Variants in MTMR11 observed in about 807,000 individuals in gnomAD.
MTMR11 encodes the protein myotubularin-related protein 11.
Under a neutral mutation model 100.0 loss-of-function variants are expected in MTMR11, and 89 were observed. The ratio of observed to expected loss-of-function variants is 0.89; its 90% confidence interval spans 0.75 to 1.06. MTMR11 has a LOEUF of 1.06. Ranked by LOEUF, MTMR11 falls within the 50% of genes least tolerant of loss-of-function variation. The pLI is 0.00. For synonymous variants in MTMR11, 336 were observed against 326.3 expected (o/e 1.03, Z -0.32); for missense variants, 809 against 873.7 (o/e 0.93, Z 0.93).
intron 3 of MTMR11, 71 bp from the exon 4 acceptor site, chr1:149,935,430 C>A: frequency 6.3e-7 from 1 of 1,592,862 alleles, no homozygotes; most frequent in Non-Finnish European, 8.6e-7. Flanking sequence ...GCCCCAACCC[C>A]TTCTAGGGGG....
intron 2 of MTMR11, 129 bp from the exon 3 acceptor site, chr1:149,935,834 T>C (rs781935292): frequency 1.0e-5 from 12 of 1,147,072 alleles, no homozygotes; most frequent in Non-Finnish European, 1.3e-5. Context: ...CCCACTACAA[T>C]GTAAGCTTAT....
rs1553768298 is a variant in MTMR11, at chr1:149,933,905, C to A, written c.721G>T (p.Asp241Tyr). The change falls in exon 8 of 17, where the codon GAC (aspartate) becomes TAC (tyrosine). Residue 241 changes from aspartate (D) to tyrosine (Y), a missense_variant. Asp to Tyr is a radical substitution (Grantham distance 160). Transcript: ENST00000439741. ...RYFWVPNRILDSEVRRAFGHF... is the reference protein window; with the variant it reads ...RYFWVPNRILYSEVRRAFGHF... ...CCAAATGCTCTCCTGACCTCACTGT[C>A]CAGAATTCGGTTAGGGACCCAGAAG... 6.2e-7 allele frequency: 1 copy of A among 1,614,200 alleles called. No individual in the cohort carries two copies. Among genetic ancestry groups the A allele is most frequent in the Admixed American group, 1.7e-5 (1 of 60,024 alleles).
chr1:149,929,743 C>A lies in MTMR11; in HGVS notation c.1821G>T (p.Trp607Cys), dbSNP rs1295177167. The A allele has an allele frequency of 6.2e-7, 1 of 1,614,190 alleles. No individual in the cohort carries two copies. The highest frequency in any genetic ancestry group is 2.2e-5 in the East Asian group (1 of 44,872). The change falls in exon 16 of 17, where the codon TGG becomes TGT. Residue 607 changes from tryptophan to cysteine, a missense_variant. Transcript: ENST00000439741. ...AAGCTCCCCAATGTGAGGGGAGACC[C>A]CATTCCTGGTCAGCCAGGCTTTCAG... ...ISSESLADQE[W>C]GLPSHWGACP...
intron 5 of MTMR11, 51 bp from the exon 6 acceptor site, chr1:149,934,577 A>G (rs1373851833): frequency 6.4e-7 from 1 of 1,570,214 alleles, no homozygotes; most frequent in African/African-American, 1.3e-5. Flanking sequence ...AGTAAGTGAA[A>G]AGAAGGAAAT....
At chr1:149,931,063 C>T in intron 13 of MTMR11, 98 bp from the exon 14 acceptor site, 4 of 1,372,364 alleles carry the variant, frequency 2.9e-6, no homozygotes, top group Non-Finnish European at 2.9e-6. Flanking sequence ...ATAGGGGGAA[C>T]TTATGGAAGT....
chr1:149,933,561 T>C (rs1170043238), intron 9 of MTMR11, 31 bp from the exon 10 acceptor site: 2 of 1,613,352 alleles, frequency 1.2e-6, no homozygotes, highest in Non-Finnish European at 1.7e-6. Context: ...AAATAAGGAG[T>C]CTACCCTGAG....
rs1553767588 is a variant in MTMR11, at chr1:149,931,304, G to A, written c.1246C>T (p.His416Tyr). 1 of 1,614,010 alleles carries A rather than the reference G, an allele frequency of 6.2e-7. No individual in the cohort carries two copies. The highest frequency in any genetic ancestry group is 1.7e-5 in the Admixed American group (1 of 60,000). ...LVQREWVAAGHPFLTRLGGTG... is the reference protein window; with the variant it reads ...LVQREWVAAGYPFLTRLGGTG... ...CCCCCAAGCCGAGTCAGGAAGGGAT[G>A]TCCAGCTGCCACCCACTCTCGCTGT... The change falls in exon 13 of 17, where the codon CAT becomes TAT. Residue 416 changes from histidine (H) to tyrosine (Y), a missense_variant. His to Tyr is a moderately conservative substitution (Grantham distance 83). Transcript: ENST00000439741.
chr1:149,934,866 T>G, intron 5 of MTMR11, 120 bp downstream of exon 5: 55 of 1,268,290 alleles, frequency 4.3e-5, no homozygotes, highest in Non-Finnish European at 5.5e-5. Context: ...AGCCTTTCCT[T>G]GAGAGAAGCA....
At chr1:149,934,647 C>T in intron 5 of MTMR11, 121 bp from the exon 6 acceptor site, 1 of 1,096,944 alleles carries the variant, frequency 9.1e-7, no homozygotes. Flanking sequence ...TGAAGACAGT[C>T]CCTAGAGAAG....
chr1:149,929,441 T>G (rs2092625253), intron 16 of MTMR11, 124 bp from the exon 17 acceptor site: 1 of 1,215,788 alleles, frequency 8.2e-7, no homozygotes, highest in Admixed American at 2.2e-5. Context: ...TTCCACTTAA[T>G]CTAAGCCACA....
intron 1 of MTMR11, 95 bp downstream of exon 1, chr1:149,936,485 CCT>C: frequency 8.1e-7 from 1 of 1,240,372 alleles, no homozygotes; most frequent in Non-Finnish European, 1.1e-6. Context: ...GACACACCCT[CCT>C]CCTCCTCCTC....
Position 149,930,395 on chromosome 1 carries a change from G to C in MTMR11, c.1617C>G (p.His539Gln), listed in dbSNP as rs782333555. The C allele has an allele frequency of 6.2e-7, 1 of 1,613,940 alleles. No individual in the cohort carries two copies. The highest frequency in any genetic ancestry group is 8.5e-7 in the Non-Finnish European group (1 of 1,179,856). ...GTCTAGGGAGCCAGGAATCTGGACA[G>C]TGTTCTGGGTCATAGCCAGGATTCT... ...QFQNPGYDPE[H>Q]CPDSWLPRPQ... is the part of the protein sequence containing the mutation. The change falls in exon 15 of 17, where the codon CAC (histidine) becomes CAG (glutamine). Residue 539 changes from histidine (H) to glutamine (Q), a missense_variant. Transcript: ENST00000439741.
In MTMR11 at chr1:149,933,598, A is replaced by T. The variant is rs781935622; in HGVS notation, c.860+12T>A. ...ACCTAACCCTTGATTCTTCTCATCA[A>T]GCCTCCCTCACCTGATATCCTCCTT... On this transcript the variant is annotated intron_variant, in intron 9 of 16. Transcript: ENST00000439741. 3.1e-6 allele frequency: 5 copies of T among 1,614,150 alleles called. No homozygotes were observed. Among genetic ancestry groups the T allele is most frequent in the Non-Finnish European group, 4.2e-6 (5 of 1,180,008 alleles).
At position 149,934,311 on chromosome 1, in the gene MTMR11, G is replaced by A; in HGVS notation, c.563C>T (p.Ser188Phe). ...CATGAGAGGAATTGGTGGTTTTCTG[G>A]AGCCAGAACCCTGGCCTAGAACAGG... ...TLSKAGQGSG[S>F]RKPPIPLMET... Residue 188 changes from serine to phenylalanine, a missense_variant, in exon 7 of 17, where the codon TCC becomes TTC. Physicochemically the swap from Ser to Phe is radical, Grantham distance 155. Coordinates refer to ENST00000439741, the MANE Select transcript of MTMR11 (RefSeq NM_001145862.2). 4 of 1,614,206 alleles carry A rather than the reference G, an allele frequency of 2.5e-6. No individual in the cohort carries two copies. The highest frequency in any genetic ancestry group is 3.4e-6 in the Non-Finnish European group (4 of 1,180,036).
chr1:149,935,138 A>G lies in MTMR11; in HGVS notation c.326-10T>C. ...CGGGACAAGCCGCTCACTGAAGTCA[A>G]GAGGTACAGAACAGTGTAACCATGG... On this transcript the variant is annotated splice_polypyrimidine_tract_variant and intron_variant, in intron 4 of 16. Coordinates refer to ENST00000439741, the MANE Select transcript of MTMR11 (RefSeq NM_001145862.2). The G allele has an allele frequency of 3.7e-6, 6 of 1,614,104 alleles. No homozygotes were observed. Among genetic ancestry groups the G allele is most frequent in the Non-Finnish European group, 5.1e-6 (6 of 1,179,980 alleles).
In MTMR11 at chr1:149,934,470, C is replaced by T. The variant is rs373571080; in HGVS notation, c.525G>A (p.Ser175=). ...CACCAGCCTTGCTCAGGGTTATCCC[C>T]GAATACTGTTGGGCTTGATTGCTCT... ...RAQSNQAQQY[S]GITLSKAGQG... Residue 175 remains serine (S), a synonymous_variant, in exon 6 of 17, where the codon TCG becomes TCA. Transcript: ENST00000439741. 6.8e-6 allele frequency: 11 copies of T among 1,614,096 alleles called. No individual in the cohort carries two copies. Among genetic ancestry groups the T allele is most frequent in the East Asian group, 4.5e-5 (2 of 44,904 alleles).
In MTMR11 at chr1:149,933,855, C is replaced by T. The variant is rs587758013; in HGVS notation, c.771G>A (p.Pro257=). 13 of 1,613,944 alleles carry T rather than the reference C, an allele frequency of 8.1e-6. No individual in the cohort carries two copies. The highest frequency in any genetic ancestry group is 6.7e-5 in the East Asian group (3 of 44,888). Residue 257 remains proline, a splice_region_variant and synonymous_variant, in exon 8 of 17, where the codon CCG becomes CCA. Coordinates refer to ENST00000439741, the MANE Select transcript of MTMR11 (RefSeq NM_001145862.2). The stretch of plus-strand genomic sequence containing the variant: ...CCATTACCCTAACCATCACACTGAC[C>T]GGTCCACGGCCCTGATGAAAGTGGC... ...AFGHFHQGRG[P]RLSWHHPGGS...
chr1:149,934,054 G>A lies in MTMR11; in HGVS notation c.684-112C>T, dbSNP rs782394199. ...ACCATTCCAAGGGATTTCAGGTTTA[G>A]GGATCTAGGAGGCAAGGGAGATAGC... On this transcript the variant is annotated intron_variant, in intron 7 of 16. Transcript: ENST00000439741. The A allele has an allele frequency of 2.9e-5, 45 of 1,544,550 alleles. No individual in the cohort carries two copies. The Admixed American group carries it at 4.6e-4, about 16-fold the overall frequency.
chr1:149,931,556 G>C lies in MTMR11; in HGVS notation c.1124-130C>G, dbSNP rs1198780086. The C allele has an allele frequency of 4.9e-6, 4 of 809,912 alleles. No homozygotes were observed. The Admixed American group carries it at 1.3e-4, about 25-fold the overall frequency. 50.2% of individuals were successfully genotyped at this position (809,912 alleles called of 1,614,324 possible). ...GGGAAAGGTTTGGGGTAGGAGGATTGAGAAAGCACATAGAAGTGAAGAGAA... is the reference window on the plus strand; with the variant it reads ...GGGAAAGGTTTGGGGTAGGAGGATTCAGAAAGCACATAGAAGTGAAGAGAA... On this transcript the variant is annotated intron_variant, in intron 12 of 16. Transcript: ENST00000439741.
Sources: gnomAD v4.1 joint callset for allele counts on GRCh38, gnomAD v4.1.1 for gene constraint, MANE v1.5 for transcripts, NCBI Gene and HGNC (gene_info 2026-07-23, HGNC 2026-07-21) for gene names.